The following TMEM232 variants were observed in gnomAD, a reference collection of about 807,000 sequenced individuals.
The protein encoded by TMEM232 is transmembrane protein 232.
A neutral mutation model predicts 78.8 loss-of-function variants in TMEM232; 80 were observed. The observed-to-expected ratio is 1.01, with a 90% CI of 0.85 to 1.22. The LOEUF (loss-of-function observed/expected upper bound fraction) is 1.22, where lower values mean the gene tolerates loss of function less well. Ranked by LOEUF, TMEM232 falls within the 50% of genes most tolerant of loss-of-function variation. The pLI is 0.00. For missense variants in TMEM232, 881 were observed against 742.2 expected, an observed-to-expected ratio of 1.19 and a Z score of -2.17; for synonymous variants, 297 against 254.3, an observed-to-expected ratio of 1.17 and a Z score of -1.60.
intron 7 of TMEM232, among the ~76,000 whole-genome samples, chr5:110,623,022 A>AT (rs1469164505): frequency 3.4e-4 from 51 of 151,270 alleles, no homozygotes; most frequent in African/African-American, 1.2e-3. Flanking sequence ...AAATAAATAA[A>AT]AAGAAAATTT....
rs1267686928 is a variant in TMEM232 at position 110,618,580 on chromosome 5, G to A, written c.769-18C>T. The A allele has an allele frequency of 6.5e-7, 1 of 1,528,636 alleles. No homozygotes were observed. Among genetic ancestry groups the A allele is most frequent in the Non-Finnish European group, 8.8e-7 (1 of 1,140,374 alleles). 94.7% of individuals were successfully genotyped at this position (1,528,636 alleles called of 1,614,324 possible). ...TATCCTCCCTGATTAAATTGCAAAT[G>A]TTTCAGGAATTAAAATATAAAAATA... is the stretch of plus-strand genomic sequence containing the variant. On this transcript the variant is annotated intron_variant, in intron 7 of 13. Transcript: ENST00000455884.
chr5:110,700,365 A>T (rs1795290378), intron 1 of TMEM232, among the ~76,000 whole-genome samples: 1 of 152,070 alleles, frequency 6.6e-6, no homozygotes, highest in African/African-American at 2.4e-5. Context: ...ATGTGGTCAA[A>T]TTGCACCAAA....
intron 2 of TMEM232, among the ~76,000 whole-genome samples, chr5:110,733,855 A>G (rs1490819488): frequency 6.6e-6 from 1 of 152,226 alleles, no homozygotes. Flanking sequence ...TAAAAAGTCA[A>G]ATGATATTAA....
chr5:110,728,422 C>T (rs1426305769), upstream of TMEM232, among the ~76,000 whole-genome samples: 1 of 151,846 alleles, frequency 6.6e-6, no homozygotes, highest in South Asian at 2.1e-4. Context: ...GAAAATAAAT[C>T]TGAACTACTA....
At chr5:110,481,968 A>T (rs189080416) in intron 12 of TMEM232, among the ~76,000 whole-genome samples, 86 of 152,328 alleles carry the variant, frequency 5.6e-4, no homozygotes, top group African/African-American at 2.0e-3. Context: ...TCCCAAAATA[A>T]TAAGAACCAA....
chr5:110,504,459 T>C (rs1766636205), intron 12 of TMEM232, among the ~76,000 whole-genome samples: 1 of 152,152 alleles, frequency 6.6e-6, no homozygotes, highest in Non-Finnish European at 1.5e-5. Flanking sequence ...CAACAGGATA[T>C]GAGTAGGTGT....
chr5:110,633,614 C>T (rs1342135682), intron 5 of TMEM232, among the ~76,000 whole-genome samples: 1 of 152,082 alleles, frequency 6.6e-6, no homozygotes, highest in Admixed American at 6.6e-5. Context: ...TGGAAGTTCA[C>T]CCTTTGCTCT....
intron 12 of TMEM232, among the ~76,000 whole-genome samples, chr5:110,489,115 T>C (rs1380627668): frequency 6.6e-6 from 1 of 151,944 alleles, no homozygotes; most frequent in Non-Finnish European, 1.5e-5. Context: ...TATGAGTAAA[T>C]TCTACCAGAT....
chr5:110,499,199 A>T (rs1406839265), intron 12 of TMEM232, among the ~76,000 whole-genome samples: 1 of 152,210 alleles, frequency 6.6e-6, no homozygotes, highest in Non-Finnish European at 1.5e-5. Flanking sequence ...AGAAAAATTT[A>T]TATAAGCTCA....
At chr5:110,532,573 G>GT (rs749571165) in intron 11 of TMEM232, among the ~76,000 whole-genome samples, 58 of 151,788 alleles carry the variant, frequency 3.8e-4, no homozygotes, top group South Asian at 2.5e-3. Context: ...CTCCTTTTTA[G>GT]TATCCCCACC....
chr5:110,501,419 A>G lies in TMEM232; in HGVS notation c.1703+27169T>C, dbSNP rs1766249377. ...TTATATTTTATCCTTATAATGTTAT[A>G]TAACCCTTAAGAAGAAATTAAGTTG... On this transcript the variant is annotated intron_variant, in intron 12 of 13. Transcript: ENST00000455884. Among the ~76,000 whole-genome samples, 3 of 152,170 alleles carry G rather than the reference A, an allele frequency of 2.0e-5. No homozygotes were observed. The South Asian group carries it at 6.2e-4, about 32-fold the overall frequency.
chr5:110,442,619 C>T (rs1315872813), intron 12 of TMEM232, among the ~76,000 whole-genome samples: 1 of 151,952 alleles, frequency 6.6e-6, no homozygotes, highest in Non-Finnish European at 1.5e-5. Flanking sequence ...CAGAATTTGT[C>T]CTTGGTAACT....
intron 10 of TMEM232, among the ~76,000 whole-genome samples, chr5:110,594,854 G>C (rs1779960815): frequency 6.6e-6 from 1 of 152,210 alleles, no homozygotes; most frequent in African/African-American, 2.4e-5. Context: ...AGCTTCAGCA[G>C]ACTTAAACTT....
chr5:110,656,005 A>G (rs1371433994), intron 2 of TMEM232, among the ~76,000 whole-genome samples: 1 of 151,704 alleles, frequency 6.6e-6, no homozygotes, highest in East Asian at 1.9e-4. Context: ...ATGTATACAT[A>G]TGAACTAACC....
At chr5:110,596,999 T>C (rs1461760204) in intron 10 of TMEM232, among the ~76,000 whole-genome samples, 3 of 152,296 alleles carry the variant, frequency 2.0e-5, no homozygotes, top group Non-Finnish European at 4.4e-5. Flanking sequence ...AACATAGTGT[T>C]GGAAGTTCTG....
intron 12 of TMEM232, among the ~76,000 whole-genome samples, chr5:110,517,060 G>A (rs17132183): frequency 0.019 from 2,961 of 152,204 alleles, 89 homozygotes; most frequent in African/African-American, 0.068. Flanking sequence ...GCTTCTTGCC[G>A]TCTTTCACAT....
chr5:110,555,633 G>A (rs943453526), intron 11 of TMEM232, among the ~76,000 whole-genome samples: 1 of 152,142 alleles, frequency 6.6e-6, no homozygotes, highest in Non-Finnish European at 1.5e-5. Flanking sequence ...GGTTATGTAA[G>A]TCTTTTTGTA....
chr5:110,731,968 T>C (rs1012681698), intron 2 of TMEM232, among the ~76,000 whole-genome samples: 1 of 152,252 alleles, frequency 6.6e-6, no homozygotes, highest in African/African-American at 2.4e-5. Context: ...TGAATGCTTT[T>C]AACAGCACCC....
At chr5:110,456,956 G>T (rs775397757) in intron 12 of TMEM232, among the ~76,000 whole-genome samples, 1 of 151,960 alleles carries the variant, frequency 6.6e-6, no homozygotes, top group African/African-American at 2.4e-5. Flanking sequence ...TTCTTTTTGG[G>T]TTAGGCAAGA....
Sources: gnomAD v4.1 joint callset for allele counts (sites outside exome capture counted in the v4.1 genomes callset) on GRCh38, gnomAD v4.1.1 for gene constraint, MANE v1.5 for transcripts, NCBI Gene and HGNC (gene_info 2026-07-23, HGNC 2026-07-21) for gene names.